Variants in RADIL observed in about 807,000 individuals in gnomAD.
The protein encoded by RADIL is ras-associating and dilute domain-containing protein.
Under a neutral mutation model 97.6 loss-of-function variants are expected in RADIL, and 99 were observed. That is an observed-to-expected ratio of 1.01 (90% CI 0.86 to 1.20). RADIL has a LOEUF of 1.20. RADIL is among the 50% of genes most tolerant of loss of function. The pLI is 0.00. For missense variants in RADIL, 1,765 were observed against 1,498.9 expected (o/e 1.18, Z -2.93); for synonymous variants, 803 against 691.8 (o/e 1.16, Z -2.52).
intron 2 of RADIL, chr7:4,858,285 G>T (rs781521587): frequency 6.6e-6 from 1 of 152,142 alleles, no homozygotes; most frequent in African/African-American, 2.4e-5. Context: ...GGGACGGGAG[G>T]GGTTAAAGCA....
chr7:4,830,547 G>A (rs983213394), intron 5 of RADIL, among the ~76,000 whole-genome samples: 5 of 152,168 alleles, frequency 3.3e-5, no homozygotes, highest in African/African-American at 1.2e-4. Context: ...AGCAAGGGAG[G>A]AGAAGGCTCA....
intron 2 of RADIL, chr7:4,862,076 C>G (rs1784027211): frequency 2.7e-6 from 1 of 370,852 alleles, no homozygotes; most frequent in African/African-American, 2.1e-5. Context: ...AGCGCGAGGG[C>G]TCACGGGAGC....
intron 9 of RADIL, chr7:4,805,995 G>T (rs1288783213): frequency 1.0e-6 from 1 of 985,452 alleles, no homozygotes; most frequent in South Asian, 4.7e-5. Flanking sequence ...CCTCACAGGC[G>T]GCCGCCAACC....
In RADIL at chr7:4,831,951, T is replaced by C. The variant is rs141502219; in HGVS notation, c.1454+190A>G. 4.6e-5 allele frequency among the ~76,000 whole-genome samples: 7 copies of C among 152,170 alleles called. No homozygotes were observed. The East Asian group carries it at 1.4e-3, about 29-fold the overall frequency. Reference sequence around the variant, plus strand: ...CAGTCTTAAGGGTGCCCTGAAGCAATTTCCCAAAACTCAGAGCTTCCCAGG... The same window carrying C: ...CAGTCTTAAGGGTGCCCTGAAGCAACTTCCCAAAACTCAGAGCTTCCCAGG... On this transcript the variant is annotated intron_variant, in intron 5 of 14. Coordinates refer to ENST00000399583, the MANE Select transcript of RADIL (RefSeq NM_018059.5).
intron 2 of RADIL, among the ~76,000 whole-genome samples, chr7:4,852,052 G>T (rs1373738912): frequency 1.3e-5 from 2 of 152,220 alleles, no homozygotes; most frequent in Non-Finnish European, 2.9e-5. Flanking sequence ...GTAGAGAAGG[G>T]ATTATCTCAG....
intron 7 of RADIL, among the ~76,000 whole-genome samples, chr7:4,816,983 AG>A (rs925630831): frequency 3.3e-5 from 5 of 152,130 alleles, no homozygotes; most frequent in Admixed American, 2.0e-4. Flanking sequence ...ACTGGCAGGA[AG>A]GGGGCGTTTC....
intron 2 of RADIL, among the ~76,000 whole-genome samples, chr7:4,844,924 G>GAAGCAA (rs1416872273): frequency 6.6e-6 from 1 of 152,026 alleles, no homozygotes; most frequent in Non-Finnish European, 1.5e-5. Flanking sequence ...TTAAAGATCA[G>GAAGCAA]AAGCAAATCA....
In RADIL at chr7:4,822,939, A is replaced by G. The variant is rs1182994447; in HGVS notation, c.1455-385T>C. Among the ~76,000 whole-genome samples, 1 of 152,170 alleles carries G rather than the reference A, an allele frequency of 6.6e-6. No individual in the cohort carries two copies. The highest frequency in any genetic ancestry group is 2.4e-5 in the African/African-American group (1 of 41,442). ...CGTGCATGGGGGTGGGGGCTGGTCC[A>G]TGGTTTTCAGAACAAGAAATGTCAG... On this transcript the variant is annotated intron_variant, in intron 5 of 14. Transcript: ENST00000399583. The surrounding 1 kb of genome is among the most constrained non-coding windows in gnomAD (Gnocchi z 5.3).
At chr7:4,846,672 A>G (rs1477905034) in intron 2 of RADIL, among the ~76,000 whole-genome samples, 1 of 151,580 alleles carries the variant, frequency 6.6e-6, no homozygotes, top group African/African-American at 2.4e-5. Context: ...CAGCCTCCCA[A>G]GTAGCTGGGA....
chr7:4,830,122 A>G (rs977426887), intron 5 of RADIL, among the ~76,000 whole-genome samples: 1 of 152,224 alleles, frequency 6.6e-6, no homozygotes. Flanking sequence ...GGCTGTGAGT[A>G]TCATACGTAC....
intron 2 of RADIL, among the ~76,000 whole-genome samples, chr7:4,864,257 CTT>C (rs1479264902): frequency 6.6e-6 from 1 of 152,198 alleles, no homozygotes; most frequent in Admixed American, 6.5e-5. Context: ...ACACCATACT[CTT>C]TGTCTTCCAC....
At chr7:4,861,658 C>T (rs536451316) in intron 2 of RADIL, 26 of 1,604,918 alleles carry the variant, frequency 1.6e-5, no homozygotes, top group Admixed American at 3.4e-5. Flanking sequence ...CTTCGAAGAC[C>T]CCGAAGGGCC....
intron 9 of RADIL, among the ~76,000 whole-genome samples, chr7:4,809,878 C>G (rs929268901): frequency 1.3e-5 from 2 of 151,662 alleles, no homozygotes; most frequent in Non-Finnish European, 2.9e-5. Context: ...ATAGAGACAG[C>G]GTCTTGCTCT....
intron 2 of RADIL, among the ~76,000 whole-genome samples, chr7:4,869,135 A>G (rs541539466): frequency 6.7e-6 from 1 of 149,272 alleles, no homozygotes; most frequent in East Asian, 2.0e-4. Context: ...TCAAAAGACA[A>G]ACAAACAAAC....
rs1782872365 is a variant in RADIL at position 4,822,825 on chromosome 7, C to T, written c.1455-271G>A. 6.6e-6 allele frequency among the ~76,000 whole-genome samples: 1 copy of T among 152,136 alleles called. No homozygotes were observed. The highest frequency in any genetic ancestry group is 2.1e-4 in the South Asian group (1 of 4,822). ...GTAAAAAACCTCGGTAAGTAGATGG[C>T]TTGCATGTCTTCTCTTTTGGAATGA... On this transcript the variant is annotated intron_variant, in intron 5 of 14. Transcript: ENST00000399583. This position sits in a 1 kb window ranked among gnomAD's most constrained non-coding sequence, Gnocchi z 5.3.
chr7:4,800,906 C>T (rs1317626661), intron 12 of RADIL, among the ~76,000 whole-genome samples: 1 of 152,236 alleles, frequency 6.6e-6, no homozygotes, highest in African/African-American at 2.4e-5. Flanking sequence ...TGCACACGCA[C>T]CCAGGACACT....
intron 1 of RADIL, among the ~76,000 whole-genome samples, chr7:4,882,965 T>C (rs927602206): frequency 2.6e-5 from 4 of 151,154 alleles, no homozygotes; most frequent in African/African-American, 9.7e-5. Flanking sequence ...ACCAACAGGC[T>C]CCTCCTGCGA....
At position 4,803,756 on chromosome 7, in the gene RADIL, T is replaced by A. The variant is rs1216648134; in HGVS notation, c.2291-2A>T. The A allele has an allele frequency of 6.4e-7, 1 of 1,557,322 alleles. No individual in the cohort carries two copies. The stretch of plus-strand genomic sequence containing the variant: ...TTTCGTAGGACTCCAGAACATCCTC[T>A]GCAGGGGAGAGAGGATGCCCGTAAT... On this transcript the variant is annotated splice_acceptor_variant, in intron 10 of 14. Coordinates refer to ENST00000399583, the MANE Select transcript of RADIL (RefSeq NM_018059.5). LOFTEE classifies it high-confidence loss of function.
At chr7:4,865,586 G>A in intron 2 of RADIL, 2 of 796,894 alleles carry the variant, frequency 2.5e-6, no homozygotes. Context: ...GACCTCGGAT[G>A]TCACAGTGAT....
Sources: gnomAD v4.1 joint callset for allele counts (sites outside exome capture counted in the v4.1 genomes callset) on GRCh38, gnomAD v4.1.1 for gene constraint, Gnocchi (gnomAD v3.1) non-coding constraint, MANE v1.5 for transcripts, NCBI Gene and HGNC (gene_info 2026-07-23, HGNC 2026-07-21) for gene names.